Variants in MORC1 observed in about 807,000 individuals in gnomAD.
The protein encoded by MORC1 is MORC family CW-type zinc finger 1.
A neutral mutation model predicts 134.9 loss-of-function variants in MORC1; 59 were observed. The observed-to-expected ratio is 0.44, with a 90% CI of 0.35 to 0.54. The LOEUF (loss-of-function observed/expected upper bound fraction) is 0.54, where lower values mean the gene tolerates loss of function less well. Ranked by LOEUF, MORC1 falls within the 20% of genes least tolerant of loss-of-function variation. The pLI, the probability that MORC1 is intolerant of heterozygous loss-of-function variation, is 0.00. For missense variants in MORC1, 947 were observed against 1,134.5 expected (o/e 0.83, Z 2.37); for synonymous variants, 395 against 391.7 (o/e 1.01, Z -0.10).
At chr3:108,998,958 A>G (rs1948315256) in intron 21 of MORC1, among the ~76,000 whole-genome samples, 1 of 152,230 alleles carries the variant, frequency 6.6e-6, no homozygotes. Context: ...CTGTGTGCAA[A>G]GCTGAGAGAG....
At chr3:109,062,193 T>C (rs1950099717) in intron 10 of MORC1, 135 bp from the exon 11 acceptor site, 1 of 730,420 alleles carries the variant, frequency 1.4e-6, no homozygotes, top group African/African-American at 1.8e-5. Context: ...TATGTTCCTC[T>C]TATAACTTTT....
chr3:109,023,284 G>A (rs1303817593), intron 17 of MORC1, among the ~76,000 whole-genome samples: 1 of 152,192 alleles, frequency 6.6e-6, no homozygotes, highest in Non-Finnish European at 1.5e-5. Context: ...CAGAGTGAAA[G>A]AAACGAATGC....
chr3:109,117,118 C>A (rs369803262), intron 1 of MORC1, among the ~76,000 whole-genome samples: 4 of 152,006 alleles, frequency 2.6e-5, no homozygotes, highest in Admixed American at 2.0e-4. Context: ...CCACCTTTTC[C>A]AGCTTGACAT....
chr3:108,959,829 A>G (rs1947033513), intron 27 of MORC1, among the ~76,000 whole-genome samples: 1 of 152,248 alleles, frequency 6.6e-6, no homozygotes. Context: ...AAAGGATAAG[A>G]TATCAGTTTG....
intron 16 of MORC1, among the ~76,000 whole-genome samples, chr3:109,030,649 C>T (rs1299704830): frequency 6.6e-6 from 1 of 152,108 alleles, no homozygotes; most frequent in Non-Finnish European, 1.5e-5. Context: ...AACTTTTTTG[C>T]ACTTTAGACC....
At chr3:109,078,431 A>G (rs1950462356) in intron 8 of MORC1, among the ~76,000 whole-genome samples, 1 of 152,036 alleles carries the variant, frequency 6.6e-6, no homozygotes, top group Non-Finnish European at 1.5e-5. Context: ...GTAGATTTAA[A>G]ACATTTTTAA....
At chr3:109,059,493 G>A (rs1030376955) in intron 12 of MORC1, among the ~76,000 whole-genome samples, 33 of 152,074 alleles carry the variant, frequency 2.2e-4, no homozygotes, top group African/African-American at 2.2e-4. Context: ...CTGTTCCTCC[G>A]GGCAGTTCAC....
Position 109,004,836 on chromosome 3 carries a change from C to G in MORC1, c.2066G>C (p.Gly689Ala), listed in dbSNP as rs754630993. Residue 689 changes from glycine to alanine, a missense_variant, in exon 20 of 28, where the codon GGG becomes GCG. Gly to Ala is a moderately conservative substitution (Grantham distance 60). Around this residue, in one of 3 missense-constraint regions of MORC1, gnomAD observed 722 missense variants for 817.0 expected, o/e 0.88. Transcript: ENST00000232603. ...TCCCACCTGGGCATTCTTCAGGCAC[C>G]CTTCAGTTGGTTGAGCTCTCCAGAC... ...TTVWRAQPTE[G>A]CLKNAQAASW... 3.7e-5 allele frequency: 59 copies of G among 1,613,450 alleles called. No homozygotes were observed. Among genetic ancestry groups the G allele is most frequent in the Non-Finnish European group, 1.7e-6 (2 of 1,179,778 alleles).
intron 21 of MORC1, among the ~76,000 whole-genome samples, chr3:108,987,654 A>T (rs1947932202): frequency 6.6e-6 from 1 of 151,662 alleles, no homozygotes; most frequent in South Asian, 2.1e-4. Context: ...GGGACATTTG[A>T]GGGGTGGAAT....
At chr3:109,011,228 CAAAACAAAA>C (rs1948673971) in intron 17 of MORC1, among the ~76,000 whole-genome samples, 1 of 151,896 alleles carries the variant, frequency 6.6e-6, no homozygotes, top group African/African-American at 2.4e-5. Flanking sequence ...AAACAAAAAC[CAAAACAAAA>C]AAAACCCTGC....
chr3:108,991,794 C>T (rs1273704757), intron 21 of MORC1, among the ~76,000 whole-genome samples: 1 of 152,196 alleles, frequency 6.6e-6, no homozygotes, highest in Non-Finnish European at 1.5e-5. Flanking sequence ...GTCAGATTCC[C>T]CATCAATGCT....
intron 17 of MORC1, among the ~76,000 whole-genome samples, chr3:109,026,830 C>A (rs1334196262): frequency 6.6e-6 from 1 of 152,148 alleles, no homozygotes; most frequent in Non-Finnish European, 1.5e-5. Flanking sequence ...AAGTGACTCT[C>A]AGTATCTTTC....
At chr3:108,999,795 A>C (rs1948347976) in intron 21 of MORC1, among the ~76,000 whole-genome samples, 1 of 152,194 alleles carries the variant, frequency 6.6e-6, no homozygotes, top group Non-Finnish European at 1.5e-5. Flanking sequence ...ATGAGTAATA[A>C]AATTTATATT....
At chr3:109,071,433 G>A (rs2107711409) in intron 8 of MORC1, among the ~76,000 whole-genome samples, 1 of 152,114 alleles carries the variant, frequency 6.6e-6, no homozygotes, top group African/African-American at 2.4e-5. Context: ...AATATTCATA[G>A]CATGCATGTT....
intron 17 of MORC1, among the ~76,000 whole-genome samples, chr3:109,023,633 T>A (rs559215646): frequency 6.6e-6 from 1 of 152,290 alleles, no homozygotes. Context: ...GACACAATCA[T>A]CCTTGTCACA....
At chr3:109,068,036 T>C (rs1950237929) in intron 9 of MORC1, among the ~76,000 whole-genome samples, 1 of 152,200 alleles carries the variant, frequency 6.6e-6, no homozygotes. Context: ...AGTTCTTTTC[T>C]AGTTTTAACA....
At chr3:109,081,565 C>T (rs554650844) in intron 8 of MORC1, among the ~76,000 whole-genome samples, 2 of 151,872 alleles carry the variant, frequency 1.3e-5, no homozygotes, top group East Asian at 3.9e-4. Context: ...AAGTGATTCT[C>T]CCACCTCAGC....
intron 8 of MORC1, among the ~76,000 whole-genome samples, chr3:109,084,233 G>A (rs1950575732): frequency 6.6e-6 from 1 of 152,090 alleles, no homozygotes; most frequent in Admixed American, 6.6e-5. Context: ...GTTTCAGAAT[G>A]ATGTGACCTT....
intron 24 of MORC1, among the ~76,000 whole-genome samples, chr3:108,978,891 C>A (rs1055589115): frequency 1.3e-5 from 2 of 152,118 alleles, no homozygotes; most frequent in African/African-American, 4.8e-5. Flanking sequence ...AGTGGTGCTA[C>A]CAGCCCCACC....
Sources: gnomAD v4.1 joint callset for allele counts (sites outside exome capture counted in the v4.1 genomes callset) on GRCh38, gnomAD v4.1.1 for gene constraint, gnomAD v4.1.1 regional missense constraint, MANE v1.5 for transcripts, NCBI Gene and HGNC (gene_info 2026-07-23, HGNC 2026-07-21) for gene names.